PTGER1: variants seen among roughly 807,000 people sequenced by gnomAD.
The protein encoded by PTGER1 is prostaglandin E2 receptor EP1 subtype.
Under a neutral mutation model 18.5 loss-of-function variants are expected in PTGER1, and 15 were observed. The ratio of observed to expected loss-of-function variants is 0.81; its 90% CI spans 0.54 to 1.25. The LOEUF (loss-of-function observed/expected upper bound fraction) is 1.25. Among genes scored for constraint, PTGER1 ranks in the 50% most tolerant of loss-of-function variants. The probability of loss-of-function intolerance (pLI) is 0.00; values close to 1 mark genes in which losing one functional copy is unlikely to be tolerated. For synonymous variants in PTGER1, 339 were observed against 308.4 expected (o/e 1.10, Z -1.04); for missense variants, 567 against 603.4 (o/e 0.94, Z 0.63).
Position 14,473,947 on chromosome 19 carries a change from A to G in PTGER1, c.374T>C (p.Leu125Pro), listed in dbSNP as rs1439970602. The G allele has an allele frequency of 6.8e-7, 1 of 1,477,130 alleles. No individual in the cohort carries two copies. The highest frequency in any genetic ancestry group is 3.0e-5 in the East Asian group (1 of 33,476). 91.5% of individuals were successfully genotyped at this position (1,477,130 alleles called of 1,614,324 possible). A position where few individuals can be genotyped will look rare whatever the true frequency, so the allele number is the denominator to read the frequency against. Residue 125 changes from leucine to proline, a missense_variant, in exon 2 of 3, where the codon CTG (leucine) becomes CCG (proline). Physicochemically the swap from Leu to Pro is moderately conservative, Grantham distance 98 (BLOSUM62 -3). Coordinates refer to ENST00000292513, the MANE Select transcript of PTGER1 (RefSeq NM_000955.3). The surrounding 1 kb of genome is among the most constrained non-coding windows in gnomAD (Gnocchi z 7.1). ...CACGGCCATGCCACAGCCCAGCAGCAGCGGGCACAGGCCGAAGAAGACCAT... is the reference window on the plus strand; with the variant it reads ...CACGGCCATGCCACAGCCCAGCAGCGGCGGGCACAGGCCGAAGAAGACCAT... The part of the protein sequence containing the change: ...GCMVFFGLCP[L>P]LLGCGMAVER...
chr19:14,473,351 T>C lies in PTGER1; in HGVS notation c.942+28A>G, dbSNP rs1248277815. 1.9e-6 allele frequency: 3 copies of C among 1,556,732 alleles called. No homozygotes were observed. In the East Asian group the frequency reaches 7.3e-5, roughly 38 times the overall value. ...TGCCGAGAGGGAGCGGGAAGGAGCG[T>C]GGCTCGAGGGGCCGGTGCGCCCCTC... On this transcript the variant is annotated intron_variant, in intron 2 of 2. Coordinates refer to ENST00000292513, the MANE Select transcript of PTGER1 (RefSeq NM_000955.3). This position sits in a 1 kb window ranked among gnomAD's most constrained non-coding sequence, Gnocchi z 7.1.
In PTGER1 at chr19:14,472,493, G is replaced by T. The variant is rs199819852; in HGVS notation, c.*67C>A. 6.8e-7 allele frequency: 1 copy of T among 1,464,324 alleles called. No homozygotes were observed. The highest frequency in any genetic ancestry group is 2.4e-5 in the East Asian group (1 of 41,396). The allele number at this position is 1,464,324 out of a possible 1,614,324, so 90.7% of individuals were successfully genotyped here. Reference sequence around the variant, plus strand: ...GCAGAATGGCTTTTTATTCCCAAAGGCTCTGCGCCGCGCACCTGGGCCCAG... The same window carrying T: ...GCAGAATGGCTTTTTATTCCCAAAGTCTCTGCGCCGCGCACCTGGGCCCAG... On this transcript the variant is annotated 3_prime_UTR_variant, in exon 3 of 3. Transcript: ENST00000292513.
chr19:14,474,220 G>C lies in PTGER1; in HGVS notation c.101C>G (p.Ala34Gly). Residue 34 changes from alanine to glycine, a missense_variant, in exon 2 of 3, where the codon GCT becomes GGT. Transcript: ENST00000292513. The surrounding 1 kb of genome is among the most constrained non-coding windows in gnomAD (Gnocchi z 5.4). ...PNTSAVPPSGASPALPIFSMT... is the reference protein window; with the variant it reads ...PNTSAVPPSGGSPALPIFSMT... ...GGAGAAGATGGGCAGCGCGGGCGAA[G>C]CGCCCGACGGCGGCACGGCCGACGT... 1 of 1,526,578 alleles carries C rather than the reference G, an allele frequency of 6.6e-7. No individual in the cohort carries two copies. Among genetic ancestry groups the C allele is most frequent in the Non-Finnish European group, 8.8e-7 (1 of 1,142,592 alleles). The allele number at this position is 1,526,578 out of a possible 1,614,324, so 94.6% of individuals were successfully genotyped here.
At position 14,473,482 on chromosome 19, in the gene PTGER1, CGA is replaced by C. The variant is rs1599339425; in HGVS notation, c.837_838del (p.Arg280GlufsTer?). ...AGCTCTGCGTGCCGAGCCGCTGCTCCGAGAGCCGCCAAAGAAGGTGGAGGCCG... is the reference window on the plus strand; with the variant it reads ...AGCTCTGCGTGCCGAGCCGCTGCTCCGAGCCGCCAAAGAAGGTGGAGGCCG... On this transcript the variant is annotated frameshift_variant, in exon 2 of 3. Transcript: ENST00000292513. LOFTEE classifies it high-confidence loss of function. The surrounding 1 kb of genome is among the most constrained non-coding windows in gnomAD (Gnocchi z 7.1). 1 of 1,587,354 alleles carries C rather than the reference CGA, an allele frequency of 6.3e-7. No individual in the cohort carries two copies. Among genetic ancestry groups the C allele is most frequent in the Non-Finnish European group, 8.5e-7 (1 of 1,170,540 alleles).
rs1464620288 is a variant in PTGER1, at chr19:14,473,217, G to C, written c.942+162C>G. On this transcript the variant is annotated intron_variant, in intron 2 of 2. Transcript: ENST00000292513. This position sits in a 1 kb window ranked among gnomAD's most constrained non-coding sequence, Gnocchi z 7.1. The stretch of plus-strand genomic sequence containing the variant: ...AGGAGGAAGGATGGGAGGTCAGATG[G>C]AGAAGGCGATGCTGGCTTTCGGGGC... Among the ~76,000 whole-genome samples the C allele has an allele frequency of 6.6e-6, 1 of 152,186 alleles. No individual in the cohort carries two copies. The highest frequency in any genetic ancestry group is 1.5e-5 in the Non-Finnish European group (1 of 68,034).
Position 14,474,601 on chromosome 19 carries a change from G to C in PTGER1, c.-17-264C>G, listed in dbSNP as rs1342490785. Among the ~76,000 whole-genome samples the C allele has an allele frequency of 6.7e-6, 1 of 149,888 alleles. No individual in the cohort carries two copies. Among genetic ancestry groups the C allele is most frequent in the Non-Finnish European group, 1.5e-5 (1 of 67,946 alleles). ...CACTGGCCCTTTCTCTGCCCTTCAT[G>C]GTTTCCTGCAAGATTCCCCCCAGCC... On this transcript the variant is annotated intron_variant, in intron 1 of 2. Coordinates refer to ENST00000292513, the MANE Select transcript of PTGER1 (RefSeq NM_000955.3). This position sits in a 1 kb window ranked among gnomAD's most constrained non-coding sequence, Gnocchi z 5.4.
rs1402574698 is a variant in PTGER1 at position 14,474,124 on chromosome 19, C to T, written c.197G>A (p.Arg66His). Residue 66 changes from arginine to histidine, a missense_variant, in exon 2 of 3, where the codon CGC becomes CAC. Physicochemically the swap from Arg to His is conservative, Grantham distance 29. Transcript: ENST00000292513. The surrounding 1 kb of genome is among the most constrained non-coding windows in gnomAD (Gnocchi z 5.4). ...LLAQAAGRLRRRRSAATFLLF... is the reference protein window; with the variant it reads ...LLAQAAGRLRHRRSAATFLLF... The stretch of plus-strand genomic sequence containing the variant: ...CAGGAAGGTGGCGGCCGAGCGGCGG[C>T]GTCGCAGGCGGCCCGCGGCCTGCGC... 7.0e-7 allele frequency: 1 copy of T among 1,436,028 alleles called. No individual in the cohort carries two copies. Among genetic ancestry groups the T allele is most frequent in the Non-Finnish European group, 9.0e-7 (1 of 1,105,218 alleles). The allele number at this position is 1,436,028 out of a possible 1,614,324, so 89.0% of individuals were successfully genotyped here. A position where few individuals can be genotyped will look rare whatever the true frequency, so the allele number is the denominator to read the frequency against.
At position 14,474,470 on chromosome 19, in the gene PTGER1, T is replaced by C; in HGVS notation, c.-17-133A>G. Reference sequence around the variant, plus strand: ...AGGCGGCCCCTCTGCCCATGGCAGTTGCCATGGGCAACTCCAAATGACCTG... The same window carrying C: ...AGGCGGCCCCTCTGCCCATGGCAGTCGCCATGGGCAACTCCAAATGACCTG... On this transcript the variant is annotated intron_variant, in intron 1 of 2. Coordinates refer to ENST00000292513, the MANE Select transcript of PTGER1 (RefSeq NM_000955.3). This position sits in a 1 kb window ranked among gnomAD's most constrained non-coding sequence, Gnocchi z 5.4. 2.0e-6 allele frequency: 2 copies of C among 1,014,642 alleles called. No homozygotes were observed. The highest frequency in any genetic ancestry group is 3.2e-5 in the East Asian group (1 of 30,818). 62.9% of individuals were successfully genotyped at this position (1,014,642 alleles called of 1,614,324 possible). A position where few individuals can be genotyped will look rare whatever the true frequency, so the allele number is the denominator to read the frequency against.
At position 14,474,349 on chromosome 19, in the gene PTGER1, A is replaced by C; in HGVS notation, c.-17-12T>G. The C allele has an allele frequency of 6.8e-7, 1 of 1,480,962 alleles. No individual in the cohort carries two copies. Among genetic ancestry groups the C allele is most frequent in the African/African-American group, 1.5e-5 (1 of 68,414 alleles). 91.7% of individuals were successfully genotyped at this position (1,480,962 alleles called of 1,614,324 possible). On this transcript the variant is annotated splice_polypyrimidine_tract_variant and intron_variant, in intron 1 of 2. Coordinates refer to ENST00000292513, the MANE Select transcript of PTGER1 (RefSeq NM_000955.3). This position sits in a 1 kb window ranked among gnomAD's most constrained non-coding sequence, Gnocchi z 5.4. The stretch of plus-strand genomic sequence containing the variant: ...AGGCGCCAGGGGTGCTGGATAGAGG[A>C]GAGGAGGGCAGAGTGAGGCTGGCTG...
chr19:14,472,575 G>A lies in PTGER1; in HGVS notation c.1194C>T (p.Gly398=). The A allele has an allele frequency of 6.3e-7, 1 of 1,584,474 alleles. No individual in the cohort carries two copies. The highest frequency in any genetic ancestry group is 1.1e-5 in the South Asian group (1 of 88,150). ...CTGGTTGTGCTTAGAAGTGGCTGAG[G>A]CCGCTGTGCCGGGAGCTGCGCAGCG... ...ASSLRSSRHS[G]LSHF The change falls in exon 3 of 3, where the codon GGC becomes GGT. Residue 398 remains glycine, a synonymous_variant. Transcript: ENST00000292513.
At position 14,474,153 on chromosome 19, in the gene PTGER1, C is replaced by A; in HGVS notation, c.168G>T (p.Leu56=). Reference sequence around the variant, plus strand: ...GCAGGCGGCCCGCGGCCTGCGCCAGCAGCGCCAGCGCCAGCAGGTTGGACA... The same window carrying A: ...GCAGGCGGCCCGCGGCCTGCGCCAGAAGCGCCAGCGCCAGCAGGTTGGACA... The part of the protein sequence containing the change: ...GAVSNLLALA[L]LAQAAGRLRR... The change falls in exon 2 of 3, where the codon CTG becomes CTT. Residue 56 remains leucine, a synonymous_variant. Coordinates refer to ENST00000292513, the MANE Select transcript of PTGER1 (RefSeq NM_000955.3). The surrounding 1 kb of genome is among the most constrained non-coding windows in gnomAD (Gnocchi z 5.4). 1 of 1,454,770 alleles carries A rather than the reference C, an allele frequency of 6.9e-7. No individual in the cohort carries two copies. The highest frequency in any genetic ancestry group is 9.0e-7 in the Non-Finnish European group (1 of 1,114,582). 90.1% of individuals were successfully genotyped at this position (1,454,770 alleles called of 1,614,324 possible). A position where few individuals can be genotyped will look rare whatever the true frequency, so the allele number is the denominator to read the frequency against.
In PTGER1 at chr19:14,473,544, G is replaced by A; in HGVS notation, c.777C>T (p.Arg259=). The part of the protein sequence containing the change: ...SRRRWGAHGP[R]SASASSASSI... Reference sequence around the variant, plus strand: ...ACGAGGCGGACGAGGCGGAGGCCGAGCGGGGTCCGTGCGCCCCCCAGCGAC... The same window carrying A: ...ACGAGGCGGACGAGGCGGAGGCCGAACGGGGTCCGTGCGCCCCCCAGCGAC... The change falls in exon 2 of 3, where the codon CGC becomes CGT. Residue 259 remains arginine (R), a synonymous_variant. Coordinates refer to ENST00000292513, the MANE Select transcript of PTGER1 (RefSeq NM_000955.3). This position sits in a 1 kb window ranked among gnomAD's most constrained non-coding sequence, Gnocchi z 7.1. 4 of 1,543,376 alleles carry A rather than the reference G, an allele frequency of 2.6e-6. 1 individual carries two copies. Among genetic ancestry groups the A allele is most frequent in the South Asian group, 2.4e-5 (2 of 84,586 alleles).
Position 14,474,007 on chromosome 19 carries a change from G to A in PTGER1, c.314C>T (p.Pro105Leu), listed in dbSNP as rs571204823. The A allele has an allele frequency of 5.1e-5, 77 of 1,500,632 alleles. 1 individual carries two copies. In the South Asian group the frequency reaches 8.3e-4, roughly 16 times the overall value. 93.0% of individuals were successfully genotyped at this position (1,500,632 alleles called of 1,614,324 possible). The change falls in exon 2 of 3, where the codon CCG (proline) becomes CTG (leucine). Residue 105 changes from proline to leucine, a missense_variant. Pro to Leu is a moderately conservative substitution (Grantham distance 98). Transcript: ENST00000292513. The surrounding 1 kb of genome is among the most constrained non-coding windows in gnomAD (Gnocchi z 5.4). ...VLRLYTAGRAPAGGACHFLGG... is the reference protein window; with the variant it reads ...VLRLYTAGRALAGGACHFLGG... ...CAGGAAGTGGCAGGCCCCGCCGGCC[G>A]GAGCGCGCCCCGCAGTGTACAGACG...
chr19:14,472,530 CT>C lies in PTGER1; in HGVS notation c.*29del, dbSNP rs1239538590. Reference sequence around the variant, plus strand: ...GCACCTGGGCCCAGCCCAGGGTGGGCTGGCTTAGTCGTTGGGCCTCTGGTTG... The same window carrying C: ...GCACCTGGGCCCAGCCCAGGGTGGGCGGCTTAGTCGTTGGGCCTCTGGTTG... On this transcript the variant is annotated 3_prime_UTR_variant, in exon 3 of 3. Transcript: ENST00000292513. The C allele has an allele frequency of 6.6e-7, 1 of 1,518,064 alleles. No homozygotes were observed. The highest frequency in any genetic ancestry group is 8.8e-7 in the Non-Finnish European group (1 of 1,140,208). 94.0% of individuals were successfully genotyped at this position (1,518,064 alleles called of 1,614,324 possible).
rs1426996343 is a variant in PTGER1 at position 14,474,348 on chromosome 19, G to A, written c.-17-11C>T. On this transcript the variant is annotated splice_polypyrimidine_tract_variant and intron_variant, in intron 1 of 2. Transcript: ENST00000292513. The surrounding 1 kb of genome is among the most constrained non-coding windows in gnomAD (Gnocchi z 5.4). ...CAGGCGCCAGGGGTGCTGGATAGAG[G>A]AGAGGAGGGCAGAGTGAGGCTGGCT... is the stretch of plus-strand genomic sequence containing the variant. 8 of 1,492,242 alleles carry A rather than the reference G, an allele frequency of 5.4e-6. No individual in the cohort carries two copies. The South Asian group carries it at 1.0e-4, about 19-fold the overall frequency. The allele number at this position is 1,492,242 out of a possible 1,614,324, so 92.4% of individuals were successfully genotyped here.
Position 14,474,468 on chromosome 19 carries a change from G to A in PTGER1, c.-17-131C>T, listed in dbSNP as rs534143296. 10 of 1,016,036 alleles carry A rather than the reference G, an allele frequency of 9.8e-6. No individual in the cohort carries two copies. Among genetic ancestry groups the A allele is most frequent in the Non-Finnish European group, 1.3e-5 (10 of 749,952 alleles). The allele number at this position is 1,016,036 out of a possible 1,614,324, so 62.9% of individuals were successfully genotyped here. A position where few individuals can be genotyped will look rare whatever the true frequency, so the allele number is the denominator to read the frequency against. On this transcript the variant is annotated intron_variant, in intron 1 of 2. Coordinates refer to ENST00000292513, the MANE Select transcript of PTGER1 (RefSeq NM_000955.3). This position sits in a 1 kb window ranked among gnomAD's most constrained non-coding sequence, Gnocchi z 5.4. ...TCAGGCGGCCCCTCTGCCCATGGCA[G>A]TTGCCATGGGCAACTCCAAATGACC...
rs202002841 is a variant in PTGER1 at position 14,472,699 on chromosome 19, G to T, written c.1070C>A (p.Ala357Asp). The T allele has an allele frequency of 2.4e-5, 38 of 1,611,626 alleles. No individual in the cohort carries two copies. Among genetic ancestry groups the T allele is most frequent in the Admixed American group, 3.3e-5 (2 of 59,714 alleles). Reference sequence around the variant, plus strand: ...GAGGCGAAGCAGTTGGCGCAGCACGGCCTGGCGCAGTAGGATGTACACCCA... The same window carrying T: ...GAGGCGAAGCAGTTGGCGCAGCACGTCCTGGCGCAGTAGGATGTACACCCA... ...DPWVYILLRQ[A>D]VLRQLLRLLP... Residue 357 changes from alanine to aspartate, a missense_variant, in exon 3 of 3, where the codon GCC (alanine) becomes GAC (aspartate). Ala to Asp is a moderately radical substitution (Grantham distance 126, BLOSUM62 -2). Transcript: ENST00000292513.
chr19:14,472,882 G>T (rs964022325), intron 2 of PTGER1, 56 bp from the exon 3 acceptor site: 2 of 1,484,868 alleles, frequency 1.3e-6, no homozygotes, highest in African/African-American at 2.8e-5. Flanking sequence ...GGGGGCGCAG[G>T]GATGGTGGGG....
rs1268733910 is a variant in PTGER1 at position 14,474,140 on chromosome 19, C to T, written c.181G>A (p.Ala61Thr). The T allele has an allele frequency of 2.1e-6, 3 of 1,437,276 alleles. No individual in the cohort carries two copies. Among genetic ancestry groups the T allele is most frequent in the Non-Finnish European group, 1.8e-6 (2 of 1,106,908 alleles). 89.0% of individuals were successfully genotyped at this position (1,437,276 alleles called of 1,614,324 possible). A position where few individuals can be genotyped will look rare whatever the true frequency, so the allele number is the denominator to read the frequency against. The change falls in exon 2 of 3, where the codon GCG becomes ACG. Residue 61 changes from alanine (A) to threonine (T), a missense_variant. Ala to Thr is a moderately conservative substitution (Grantham distance 58). Transcript: ENST00000292513. The surrounding 1 kb of genome is among the most constrained non-coding windows in gnomAD (Gnocchi z 5.4). ...GAGCGGCGGCGTCGCAGGCGGCCCGCGGCCTGCGCCAGCAGCGCCAGCGCC... is the reference window on the plus strand; with the variant it reads ...GAGCGGCGGCGTCGCAGGCGGCCCGTGGCCTGCGCCAGCAGCGCCAGCGCC... Reference protein sequence around the residue: ...LLALALLAQAAGRLRRRRSAA... With the variant: ...LLALALLAQATGRLRRRRSAA...
Sources: allele counts gnomAD v4.1 joint callset (sites outside exome capture counted in the v4.1 genomes callset), GRCh38; gene constraint gnomAD v4.1.1; non-coding constraint Gnocchi (gnomAD v3.1); transcripts MANE v1.5; gene names NCBI Gene and HGNC (gene_info 2026-07-23, HGNC 2026-07-21).